The following TBX2 variants were observed in gnomAD, a reference collection of about 807,000 sequenced individuals.
TBX2 encodes the protein T-box transcription factor TBX2.
In TBX2, 19 loss-of-function variants were observed where a neutral mutation model predicts 48.4. The observed-to-expected ratio is 0.39, with a 90% confidence interval of 0.27 to 0.58. TBX2 has a LOEUF of 0.58. Among genes scored for constraint, TBX2 ranks in the 20% least tolerant of loss-of-function variants. The pLI is 0.54. For synonymous variants in TBX2, 522 were observed against 459.7 expected, an observed-to-expected ratio of 1.14 and a Z score of -1.73; for missense variants, 994 against 1,006.5, an observed-to-expected ratio of 0.99 and a Z score of 0.17.
chr17:61,404,523 G>T, intron 4 of TBX2, 26 bp downstream of exon 4: 1 of 1,597,182 alleles, frequency 6.3e-7, no homozygotes. Context: ...CAGCAGCCCT[G>T]TGGCGGGTGC....
In TBX2 at chr17:61,400,315, G is replaced by A; in HGVS notation, c.139G>A (p.Ala47Thr). Residue 47 changes from alanine (A) to threonine (T), a missense_variant, in exon 1 of 7, where the codon GCG becomes ACG. Physicochemically the swap from Ala to Thr is moderately conservative, Grantham distance 58 (BLOSUM62 0). Coordinates refer to ENST00000240328, the MANE Select transcript of TBX2 (RefSeq NM_005994.4). The surrounding 1 kb of genome is among the most constrained non-coding windows in gnomAD (Gnocchi z 9.2). ...FFPALALPPGALAKPLPDPGL... is the reference protein window; with the variant it reads ...FFPALALPPGTLAKPLPDPGL... ...CCCGGCACTCGCGCTGCCGCCCGGC[G>A]CGCTGGCCAAGCCGCTGCCCGACCC... 1 of 1,073,158 alleles carries A rather than the reference G, an allele frequency of 9.3e-7. No homozygotes were observed. The highest frequency in any genetic ancestry group is 1.1e-6 in the Non-Finnish European group (1 of 877,392). 66.5% of individuals were successfully genotyped at this position (1,073,158 alleles called of 1,614,324 possible). A position where few individuals can be genotyped will look rare whatever the true frequency, so the allele number is the denominator to read the frequency against.
chr17:61,405,004 T>G, intron 5 of TBX2, 198 bp from the exon 6 acceptor site: 1 of 1,288,814 alleles, frequency 7.8e-7, no homozygotes, highest in Non-Finnish European at 1.1e-6. Flanking sequence ...TCTATAGCTG[T>G]AGGGTTTCCT....
rs559648778 is a variant in TBX2 at position 61,401,987 on chromosome 17, C to T, written c.663+36C>T. On this transcript the variant is annotated intron_variant, in intron 2 of 6. Transcript: ENST00000240328. ...GGGCAGGGTGGGGACGGTGCAGGAG[C>T]TTGTTGACCCAGCACTGCAGCTGAG... The T allele has an allele frequency of 2.6e-5, 40 of 1,551,144 alleles. No individual in the cohort carries two copies. The South Asian group carries it at 4.6e-4, about 18-fold the overall frequency.
chr17:61,404,973 G>A (rs1342648316), intron 5 of TBX2: 4 of 1,245,484 alleles, frequency 3.2e-6, no homozygotes, highest in Non-Finnish European at 2.3e-6. Flanking sequence ...TCCGAGCCTG[G>A]CCCCTTGGGC....
At chr17:61,404,159 A>C (rs897881172) in intron 3 of TBX2, among the ~76,000 whole-genome samples, 20 of 151,990 alleles carry the variant, frequency 1.3e-4, no homozygotes, top group Non-Finnish European at 2.9e-4. Context: ...ACACTGTGGC[A>C]CTGCTTTAGG....
In TBX2 at chr17:61,405,498, C is replaced by T. The variant is rs1195157112; in HGVS notation, c.1348C>T (p.Leu450=). ...GGGCAAGGAGCAGGGCCTGGCGCCGCTGGTGGTGCAGACAGACAGTGCGTC... is the reference window on the plus strand; with the variant it reads ...GGGCAAGGAGCAGGGCCTGGCGCCGTTGGTGGTGCAGACAGACAGTGCGTC... ...AEGKEQGLAP[L]VVQTDSASPL... is the part of the protein sequence containing the mutation. The change falls in exon 6 of 7, where the codon CTG becomes TTG. Residue 450 remains leucine, a synonymous_variant. Transcript: ENST00000240328. 2 of 1,582,348 alleles carry T rather than the reference C, an allele frequency of 1.3e-6. No homozygotes were observed. Among genetic ancestry groups the T allele is most frequent in the Non-Finnish European group, 1.7e-6 (2 of 1,167,132 alleles).
chr17:61,405,905 GGAGGGCCT>G lies in TBX2; in HGVS notation c.1686+75_1686+82del, dbSNP rs1052635816. ...CCAGGGAGCTGGCGGCGAGGCCAGC[GGAGGGCCT>G]GAGGGGTGCCAGGGTCGCTGGGATC... is the stretch of plus-strand genomic sequence containing the variant. On this transcript the variant is annotated intron_variant, in intron 6 of 6. Coordinates refer to ENST00000240328, the MANE Select transcript of TBX2 (RefSeq NM_005994.4). 2.2e-5 allele frequency: 27 copies of G among 1,252,690 alleles called. No individual in the cohort carries two copies. The African/African-American group carries it at 3.4e-4, about 16-fold the overall frequency. The allele number at this position is 1,252,690 out of a possible 1,614,324, so 77.6% of individuals were successfully genotyped here.
At chr17:61,404,938 C>G (rs1421365028) in intron 5 of TBX2, 169 bp downstream of exon 5, 13 of 1,251,516 alleles carry the variant, frequency 1.0e-5, no homozygotes, top group Non-Finnish European at 1.5e-5. Context: ...GGGCGGTCCC[C>G]GGTAGCCAGA....
At position 61,403,126 on chromosome 17, in the gene TBX2, G is replaced by C. The variant is rs1321498463; in HGVS notation, c.729G>C (p.Leu243=). 6.2e-7 allele frequency: 1 copy of C among 1,613,832 alleles called. No homozygotes were observed. The highest frequency in any genetic ancestry group is 1.7e-5 in the Admixed American group (1 of 60,014). The change falls in exon 3 of 7, where the codon CTG becomes CTC. Residue 243 remains leucine (L), a synonymous_variant. Coordinates refer to ENST00000240328, the MANE Select transcript of TBX2 (RefSeq NM_005994.4). The surrounding 1 kb of genome is among the most constrained non-coding windows in gnomAD (Gnocchi z 5.8). ...ACATAGTGCGAGCCAACGACATCCT[G>C]AAGCTGCCTTACAGCACCTTCCGCA... ...RFHIVRANDI[L]KLPYSTFRTY...
In TBX2 at chr17:61,406,009, C is replaced by G. The variant is rs113958423; in HGVS notation, c.1686+173C>G. Reference sequence around the variant, plus strand: ...TTTAGGACACCTGGGTTCTGAGAGACGAGGACTGTGTTGTAAGTCCAGGGG... The same window carrying G: ...TTTAGGACACCTGGGTTCTGAGAGAGGAGGACTGTGTTGTAAGTCCAGGGG... On this transcript the variant is annotated intron_variant, in intron 6 of 6. Transcript: ENST00000240328. The surrounding 1 kb of genome is among the most constrained non-coding windows in gnomAD (Gnocchi z 5.7). 218 of 614,326 alleles carry G rather than the reference C, an allele frequency of 3.5e-4. No individual in the cohort carries two copies. Among genetic ancestry groups the G allele is most frequent in the African/African-American group, 3.4e-3 (178 of 52,454 alleles). 38.1% of individuals were successfully genotyped at this position (614,326 alleles called of 1,614,324 possible). A position where few individuals can be genotyped will look rare whatever the true frequency, so the allele number is the denominator to read the frequency against.
rs2060298413 is a variant in TBX2 at position 61,408,671 on chromosome 17, TC to T, written c.*168del. The T allele has an allele frequency of 1.2e-5, 7 of 577,752 alleles. No homozygotes were observed. Among genetic ancestry groups the T allele is most frequent in the South Asian group, 8.9e-5 (2 of 22,378 alleles). 35.8% of individuals were successfully genotyped at this position (577,752 alleles called of 1,614,324 possible). ...CTGGCAAGTCGGGGCCTGGGACACT[TC>T]CCTGGGCCTCAACAAGGATCAGGCT... On this transcript the variant is annotated 3_prime_UTR_variant, in exon 7 of 7. Coordinates refer to ENST00000240328, the MANE Select transcript of TBX2 (RefSeq NM_005994.4).
In TBX2 at chr17:61,404,608, A is replaced by G; in HGVS notation, c.890A>G (p.Lys297Arg). The change falls in exon 5 of 7, where the codon AAG becomes AGG. Residue 297 changes from lysine (K) to arginine (R), a missense_variant and splice_region_variant. Physicochemically the swap from Lys to Arg is conservative, Grantham distance 26. Coordinates refer to ENST00000240328, the MANE Select transcript of TBX2 (RefSeq NM_005994.4). ...CTGGTTCATCCGCTCATCCCCAGGAAGCAGCTGACGCTGCCGTCTCTACGC... is the reference window on the plus strand; with the variant it reads ...CTGGTTCATCCGCTCATCCCCAGGAGGCAGCTGACGCTGCCGTCTCTACGC... ...DTGNGRREKR[K>R]QLTLPSLRLY... 1 of 1,584,624 alleles carries G rather than the reference A, an allele frequency of 6.3e-7. No individual in the cohort carries two copies. Among genetic ancestry groups the G allele is most frequent in the South Asian group, 1.1e-5 (1 of 87,492 alleles).
Position 61,408,406 on chromosome 17 carries a change from C to A in TBX2, c.2039C>A (p.Ser680Ter). Residue 680 changes from serine to a stop codon, truncating the protein, a stop_gained, in exon 7 of 7, where the codon TCG becomes TAG. Transcript: ENST00000240328. LOFTEE classifies it high-confidence loss of function. ...PSRGALSPSGSAKEAANELQS... is the reference protein window; with the variant it reads ...PSRGALSPSG The stretch of plus-strand genomic sequence containing the variant: ...CGCGGTGCCCTGTCGCCCAGTGGCT[C>A]GGCCAAGGAGGCGGCCAATGAACTG... 2.6e-6 allele frequency: 4 copies of A among 1,549,410 alleles called. No individual in the cohort carries two copies. The highest frequency in any genetic ancestry group is 2.6e-6 in the Non-Finnish European group (3 of 1,147,284).
At position 61,405,550 on chromosome 17, in the gene TBX2, G is replaced by C; in HGVS notation, c.1400G>C (p.Gly467Ala). Residue 467 changes from glycine (G) to alanine (A), a missense_variant, in exon 6 of 7, where the codon GGC (glycine) becomes GCC (alanine). Around this residue, in one of 5 missense-constraint regions of TBX2, gnomAD observed 639 missense variants for 613.2 expected, o/e 1.04. Transcript: ENST00000240328. ...ASPLGAGHLP[G>A]LAFSSHLHGQ... Reference sequence around the variant, plus strand: ...CCCCTGGGCGCCGGACACCTGCCCGGCCTGGCCTTTTCCAGCCACTTGCAC... The same window carrying C: ...CCCCTGGGCGCCGGACACCTGCCCGCCCTGGCCTTTTCCAGCCACTTGCAC... The C allele has an allele frequency of 6.3e-7, 1 of 1,594,754 alleles. No individual in the cohort carries two copies. The highest frequency in any genetic ancestry group is 8.5e-7 in the Non-Finnish European group (1 of 1,174,372).
intron 2 of TBX2, 42 bp downstream of exon 2, chr17:61,401,993 G>C: frequency 6.5e-7 from 1 of 1,544,212 alleles, no homozygotes; most frequent in Non-Finnish European, 8.7e-7. Context: ...GGAGCTTGTT[G>C]ACCCAGCACT....
At position 61,403,248 on chromosome 17, in the gene TBX2, C is replaced by T; in HGVS notation, c.810+41C>T. 6.2e-7 allele frequency: 1 copy of T among 1,602,420 alleles called. No individual in the cohort carries two copies. The highest frequency in any genetic ancestry group is 8.5e-7 in the Non-Finnish European group (1 of 1,178,376). ...GGTGGGCTAAGCCCCTGCACTGACG[C>T]CCCTCAACACGTGCAGGCCCAACCG... is the stretch of plus-strand genomic sequence containing the variant. On this transcript the variant is annotated intron_variant, in intron 3 of 6. Coordinates refer to ENST00000240328, the MANE Select transcript of TBX2 (RefSeq NM_005994.4). The surrounding 1 kb of genome is among the most constrained non-coding windows in gnomAD (Gnocchi z 5.8).
chr17:61,408,075 G>T lies in TBX2; in HGVS notation c.1708G>T (p.Gly570Ter). Residue 570 changes from glycine to a stop codon, truncating the protein, a stop_gained, in exon 7 of 7, where the codon GGA (glycine) becomes TGA (stop). Coordinates refer to ENST00000240328, the MANE Select transcript of TBX2 (RefSeq NM_005994.4). LOFTEE classifies it high-confidence loss of function. Reference protein sequence around the residue: ...ASQGIPMPTFGGLFPYPYTYM... With the variant: ...ASQGIPMPTF ...CCAGGGAATTCCAATGCCCACTTTCGGAGGCCTCTTCCCCTACCCCTACAC... is the reference window on the plus strand; with the variant it reads ...CCAGGGAATTCCAATGCCCACTTTCTGAGGCCTCTTCCCCTACCCCTACAC... 1 of 1,590,718 alleles carries T rather than the reference G, an allele frequency of 6.3e-7. No individual in the cohort carries two copies. The highest frequency in any genetic ancestry group is 8.6e-7 in the Non-Finnish European group (1 of 1,169,240).
chr17:61,405,587 C>A lies in TBX2; in HGVS notation c.1437C>A (p.Phe479Leu). Residue 479 changes from phenylalanine (F) to leucine (L), a missense_variant, in exon 6 of 7, where the codon TTC becomes TTA. Around this residue, in one of 5 missense-constraint regions of TBX2, gnomAD observed 639 missense variants for 613.2 expected, o/e 1.04. Coordinates refer to ENST00000240328, the MANE Select transcript of TBX2 (RefSeq NM_005994.4). ...CCAGCCACTTGCACGGGCAGCAGTT[C>A]TTTGGGCCGCTGGGAGCCGGCCAGC... ...AFSSHLHGQQ[F>L]FGPLGAGQPL... The A allele has an allele frequency of 1.3e-6, 2 of 1,598,434 alleles. No individual in the cohort carries two copies. The highest frequency in any genetic ancestry group is 8.5e-7 in the Non-Finnish European group (1 of 1,176,400).
chr17:61,404,366 G>T, intron 3 of TBX2, 55 bp from the exon 4 acceptor site: 9 of 1,537,982 alleles, frequency 5.9e-6, no homozygotes, highest in South Asian at 2.4e-5. Flanking sequence ...GGGTGCCACC[G>T]ACCACGCTGG....
Sources: gnomAD v4.1 joint callset for allele counts (sites outside exome capture counted in the v4.1 genomes callset) on GRCh38, gnomAD v4.1.1 for gene constraint, gnomAD v4.1.1 regional missense constraint, Gnocchi (gnomAD v3.1) non-coding constraint, MANE v1.5 for transcripts, NCBI Gene and HGNC (gene_info 2026-07-23, HGNC 2026-07-21) for gene names.